The following INTS6 variants were observed in gnomAD, a reference collection of about 807,000 sequenced individuals.
INTS6 encodes the protein DEAD box protein.
Under a neutral mutation model 104.9 loss-of-function variants are expected in INTS6, and 16 were observed. The observed-to-expected ratio is 0.15, with a 90% CI of 0.10 to 0.23. The LOEUF (loss-of-function observed/expected upper bound fraction) is 0.23, where lower values mean the gene tolerates loss of function less well. Among genes scored for constraint, INTS6 ranks in the 10% least tolerant of loss-of-function variants. The probability of loss-of-function intolerance (pLI) is 1.00; values close to 1 mark genes in which losing one functional copy is unlikely to be tolerated. For synonymous variants in INTS6, 324 were observed against 358.7 expected, an observed-to-expected ratio of 0.90 and a Z score of 1.09; for missense variants, 584 against 1,062.8, an observed-to-expected ratio of 0.55 and a Z score of 6.26.
intron 5 of INTS6, among the ~76,000 whole-genome samples, chr13:51,393,891 G>A: frequency 6.6e-6 from 1 of 152,098 alleles, no homozygotes; most frequent in East Asian, 1.9e-4. Context: ...AGTGACAAAA[G>A]TTATAGTATA....
At chr13:51,432,905 A>G (rs1957121814) in intron 3 of INTS6, among the ~76,000 whole-genome samples, 1 of 152,222 alleles carries the variant, frequency 6.6e-6, no homozygotes, top group Non-Finnish European at 1.5e-5. Context: ...ATATGTACAC[A>G]TAACAATAAA....
At chr13:51,410,968 T>C (rs938254787) in intron 4 of INTS6, among the ~76,000 whole-genome samples, 3 of 151,838 alleles carry the variant, frequency 2.0e-5, no homozygotes, top group Non-Finnish European at 2.9e-5. Flanking sequence ...TCCCAGCACT[T>C]TGGGAGGCAG....
At chr13:51,389,537 G>T (rs1956207760) in intron 5 of INTS6, 93 bp from the exon 6 acceptor site, 1 of 1,274,742 alleles carries the variant, frequency 7.8e-7, no homozygotes, top group Non-Finnish European at 1.0e-6. Context: ...AAAAACAACT[G>T]TGGGGTTTCT....
At chr13:51,398,112 C>T (rs181269348) in intron 4 of INTS6, among the ~76,000 whole-genome samples, 47 of 152,052 alleles carry the variant, frequency 3.1e-4, no homozygotes, top group African/African-American at 5.3e-4. Flanking sequence ...GGGGAAAATC[C>T]GCTATAGTTT....
chr13:51,368,514 T>C (rs953804859), intron 16 of INTS6, among the ~76,000 whole-genome samples: 1 of 152,204 alleles, frequency 6.6e-6, no homozygotes, highest in South Asian at 2.1e-4. Context: ...TTCATAACTT[T>C]AGTTTTTTGG....
At chr13:51,369,360 T>C (rs1566204724) in intron 15 of INTS6, 50 bp from the exon 16 acceptor site, 1 of 1,523,976 alleles carries the variant, frequency 6.6e-7, no homozygotes, top group Non-Finnish European at 8.8e-7. Flanking sequence ...TCTCAAAGCA[T>C]ACAGTAAATA....
chr13:51,400,662 A>C lies in INTS6; in HGVS notation c.430-5179T>G, dbSNP rs1323952586. ...GTATTACATGGAAGGAAAAAAAGGC[A>C]AGATGCAAAATGATGCACAGAATAG... is the stretch of plus-strand genomic sequence containing the variant. On this transcript the variant is annotated intron_variant, in intron 4 of 17. Coordinates refer to ENST00000311234, the MANE Select transcript of INTS6 (RefSeq NM_012141.3). 3.3e-5 allele frequency among the ~76,000 whole-genome samples: 5 copies of C among 152,236 alleles called. No individual in the cohort carries two copies. In the East Asian group the frequency reaches 9.6e-4, roughly 29 times the overall value.
At chr13:51,355,177 G>C in intron 3 of INTS6, 2 of 1,022,920 alleles carry the variant, frequency 2.0e-6, no homozygotes, top group South Asian at 2.9e-5. Flanking sequence ...CGTTCTAGCC[G>C]TGTATTTGGG....
chr13:51,382,016 A>G lies in INTS6; in HGVS notation c.1275+13T>C. 6.3e-7 allele frequency: 1 copy of G among 1,579,924 alleles called. No homozygotes were observed. The highest frequency in any genetic ancestry group is 8.7e-7 in the Non-Finnish European group (1 of 1,153,070). On this transcript the variant is annotated intron_variant, in intron 10 of 17. Transcript: ENST00000311234. ...GCGCCCGGCCAACAAGTTCTTTTAA[A>G]TAATATTCTTACCCCAAGATAGTAG...
rs1011094258 is a variant in INTS6 at position 51,362,165 on chromosome 13, A to G, written c.*3587T>C. 4.1e-5 allele frequency: 34 copies of G among 832,336 alleles called. No homozygotes were observed. The highest frequency in any genetic ancestry group is 3.3e-4 in the African/African-American group (18 of 55,066). The allele number at this position is 832,336 out of a possible 1,614,324, so 51.6% of individuals were successfully genotyped here. On this transcript the variant is annotated 3_prime_UTR_variant, in exon 18 of 18. Transcript: ENST00000311234. ...TTTTTTTTTAATGCTATAGGTTTCT[A>G]CTTCTGAAGACACTTGGAAAAATCA...
At position 51,362,829 on chromosome 13, in the gene INTS6, C is replaced by T. The variant is rs1354771171; in HGVS notation, c.*2923G>A. On this transcript the variant is annotated 3_prime_UTR_variant, in exon 18 of 18. Transcript: ENST00000311234. ...TACCTTGTGCTAGAAATCAAAGGAA[C>T]ATTTTTGTGACGAGAAAGATATAAA... 1 of 152,352 alleles carries T rather than the reference C, an allele frequency of 6.6e-6. No homozygotes were observed. Among genetic ancestry groups the T allele is most frequent in the East Asian group, 1.9e-4 (1 of 5,198 alleles). 9.4% of individuals were successfully genotyped at this position (152,352 alleles called of 1,614,324 possible).
intron 3 of INTS6, chr13:51,444,783 T>C (rs1323410914): frequency 6.7e-6 from 1 of 148,654 alleles, no homozygotes; most frequent in African/African-American, 2.5e-5. Context: ...ATCCTTAGGA[T>C]AGTGTTTTTC....
chr13:51,452,363 C>T lies in INTS6; in HGVS notation c.111+52G>A. The T allele has an allele frequency of 6.9e-7, 1 of 1,458,718 alleles. No individual in the cohort carries two copies. The highest frequency in any genetic ancestry group is 9.1e-7 in the Non-Finnish European group (1 of 1,100,678). The allele number at this position is 1,458,718 out of a possible 1,614,324, so 90.4% of individuals were successfully genotyped here. A position where few individuals can be genotyped will look rare whatever the true frequency, so the allele number is the denominator to read the frequency against. On this transcript the variant is annotated intron_variant, in intron 1 of 17. Coordinates refer to ENST00000311234, the MANE Select transcript of INTS6 (RefSeq NM_012141.3). The surrounding 1 kb of genome is among the most constrained non-coding windows in gnomAD (Gnocchi z 4.2). ...CCCCGGCCGCCCTCCCCCACCCTGC[C>T]GCCCGCGGGCCGCCGGGCCGGGGTC...
intron 3 of INTS6, among the ~76,000 whole-genome samples, chr13:51,433,542 GATTA>G (rs1377265399): frequency 2.0e-5 from 3 of 152,218 alleles, no homozygotes; most frequent in African/African-American, 7.2e-5. Flanking sequence ...AGAGGCAAGA[GATTA>G]ATCATACTTC....
chr13:51,416,699 T>C (rs1956793567), intron 4 of INTS6, among the ~76,000 whole-genome samples: 1 of 152,254 alleles, frequency 6.6e-6, no homozygotes, highest in Admixed American at 6.5e-5. Flanking sequence ...TTACAGGTTT[T>C]TGTGTAGACA....
intron 10 of INTS6, among the ~76,000 whole-genome samples, chr13:51,381,301 A>T (rs1956045583): frequency 6.6e-6 from 1 of 152,184 alleles, no homozygotes. Context: ...GTAGTACAAC[A>T]CTCGAGGTTA....
At chr13:51,439,935 T>C (rs999795218) in intron 3 of INTS6, 1 of 151,834 alleles carries the variant, frequency 6.6e-6, no homozygotes, top group African/African-American at 2.4e-5. Flanking sequence ...GAAAAATGAG[T>C]GTAAGTCTTA....
chr13:51,439,102 ACT>A (rs1378458653), intron 3 of INTS6: 2 of 152,140 alleles, frequency 1.3e-5, no homozygotes, highest in South Asian at 2.1e-4. Flanking sequence ...ACCAGCATCA[ACT>A]CTGTCATTTC....
Position 51,433,242 on chromosome 13 carries a change from G to A in INTS6, c.340-2859C>T, listed in dbSNP as rs535040043. On this transcript the variant is annotated intron_variant, in intron 3 of 17. Coordinates refer to ENST00000311234, the MANE Select transcript of INTS6 (RefSeq NM_012141.3). ...GCGGATCACTTGATGTCAGGACTGCGAGACCAGTCTAGGAAACACTGTGAA... is the reference window on the plus strand; with the variant it reads ...GCGGATCACTTGATGTCAGGACTGCAAGACCAGTCTAGGAAACACTGTGAA... Among the ~76,000 whole-genome samples, 18 of 152,276 alleles carry A rather than the reference G, an allele frequency of 1.2e-4. No homozygotes were observed. The South Asian group carries it at 2.7e-3, about 23-fold the overall frequency.
Sources: gnomAD v4.1 joint callset for allele counts (sites outside exome capture counted in the v4.1 genomes callset) on GRCh38, gnomAD v4.1.1 for gene constraint, Gnocchi (gnomAD v3.1) non-coding constraint, MANE v1.5 for transcripts, NCBI Gene and HGNC (gene_info 2026-07-23, HGNC 2026-07-21) for gene names.